PTPRK: variants seen among roughly 807,000 people sequenced by gnomAD.
PTPRK encodes the protein receptor-type tyrosine-protein phosphatase kappa.
In PTPRK, 75 loss-of-function variants were observed where a neutral mutation model predicts 178.0. The observed-to-expected ratio is 0.42, with a 90% CI of 0.35 to 0.51. The LOEUF (loss-of-function observed/expected upper bound fraction) is 0.51, where lower values mean the gene tolerates loss of function less well. Ranked by LOEUF, PTPRK falls within the 20% of genes least tolerant of loss-of-function variation. PTPRK has a pLI of 0.02. For missense variants in PTPRK, 1,441 were observed against 1,797.8 expected (o/e 0.80, Z 3.59); for synonymous variants, 637 against 620.6 (o/e 1.03, Z -0.39).
chr6:128,200,119 C>G (rs1039192516), intron 6 of PTPRK, among the ~76,000 whole-genome samples: 1 of 152,050 alleles, frequency 6.6e-6, no homozygotes, highest in Non-Finnish European at 1.5e-5. Flanking sequence ...CATACATTTC[C>G]CAGAGCATCT....
chr6:128,027,708 C>T (rs1774556051), intron 13 of PTPRK, among the ~76,000 whole-genome samples: 1 of 152,134 alleles, frequency 6.6e-6, no homozygotes, highest in Non-Finnish European at 1.5e-5. Flanking sequence ...AATTCTCCTA[C>T]CTCAGCCACC....
chr6:128,097,142 C>T (rs930373640), intron 7 of PTPRK, among the ~76,000 whole-genome samples: 13 of 152,214 alleles, frequency 8.5e-5, no homozygotes, highest in East Asian at 7.7e-4. Flanking sequence ...AGTACTGTAA[C>T]GTGAGGGAGC....
intron 13 of PTPRK, among the ~76,000 whole-genome samples, chr6:128,025,304 T>C (rs1774118795): frequency 6.6e-6 from 1 of 152,326 alleles, no homozygotes; most frequent in South Asian, 2.1e-4. Flanking sequence ...TTCTCTAACT[T>C]TTGTTATATG....
chr6:128,510,385 C>A (rs1856993251), intron 1 of PTPRK, among the ~76,000 whole-genome samples: 2 of 152,214 alleles, frequency 1.3e-5, no homozygotes, highest in African/African-American at 2.4e-5. Flanking sequence ...ATTCATTATT[C>A]AGTACCCCAA....
intron 3 of PTPRK, among the ~76,000 whole-genome samples, chr6:128,314,250 T>C (rs72967087): frequency 0.091 from 13,790 of 152,186 alleles, 743 homozygotes; most frequent in African/African-American, 0.15. Flanking sequence ...CTTTTTCTCA[T>C]TTATTTATCT....
At chr6:128,009,343 C>T (rs1484319565) in intron 13 of PTPRK, 75 bp from the exon 14 acceptor site, 2 of 1,384,446 alleles carry the variant, frequency 1.4e-6, no homozygotes, top group East Asian at 2.3e-5. Flanking sequence ...CCAGTAATTA[C>T]CTCCAAGAAA....
chr6:128,335,701 G>T (rs937025839), intron 2 of PTPRK, among the ~76,000 whole-genome samples: 5 of 151,932 alleles, frequency 3.3e-5, no homozygotes, highest in African/African-American at 1.2e-4. Context: ...AGCGAATGGT[G>T]CCATCTCCTC....
chr6:128,197,597 C>T (rs906015367), intron 6 of PTPRK, among the ~76,000 whole-genome samples: 2 of 151,706 alleles, frequency 1.3e-5, no homozygotes, highest in African/African-American at 4.8e-5. Flanking sequence ...CTTTATAAAA[C>T]CAATGTCAAT....
At chr6:128,503,974 C>A (rs1021050459) in intron 1 of PTPRK, among the ~76,000 whole-genome samples, 1 of 151,970 alleles carries the variant, frequency 6.6e-6, no homozygotes, top group African/African-American at 2.4e-5. Context: ...ATGGTTCCCG[C>A]CCCAATAAGG....
At chr6:128,492,927 G>A (rs1854042311) in intron 1 of PTPRK, among the ~76,000 whole-genome samples, 1 of 152,174 alleles carries the variant, frequency 6.6e-6, no homozygotes, top group African/African-American at 2.4e-5. Context: ...AAGGGCAGGA[G>A]ACACTGATGT....
chr6:128,124,690 A>AT (rs1476280452), intron 7 of PTPRK, among the ~76,000 whole-genome samples: 3 of 152,030 alleles, frequency 2.0e-5, no homozygotes, highest in African/African-American at 7.3e-5. Flanking sequence ...TTTGTGGATG[A>AT]TATTAACATT....
At chr6:128,405,764 T>A (rs1244324666) in intron 1 of PTPRK, among the ~76,000 whole-genome samples, 1 of 152,084 alleles carries the variant, frequency 6.6e-6, no homozygotes, top group African/African-American at 2.4e-5. Flanking sequence ...TTTTTCTTTT[T>A]TTTTATGAAG....
chr6:128,314,346 C>A (rs1827704500), intron 3 of PTPRK, among the ~76,000 whole-genome samples: 1 of 152,188 alleles, frequency 6.6e-6, no homozygotes, highest in Non-Finnish European at 1.5e-5. Flanking sequence ...ACTGTCCAAC[C>A]CCAGCACCCA....
At chr6:128,093,590 C>A (rs1787367022) in intron 7 of PTPRK, among the ~76,000 whole-genome samples, 1 of 83,082 alleles carries the variant, frequency 1.2e-5, no homozygotes, top group Non-Finnish European at 2.1e-5. Context: ...GCAAGAGACT[C>A]TCTCTCAAAA....
chr6:128,044,565 A>G (rs1777729371), intron 13 of PTPRK, among the ~76,000 whole-genome samples: 1 of 151,958 alleles, frequency 6.6e-6, no homozygotes, highest in African/African-American at 2.4e-5. Flanking sequence ...TTGAATATCT[A>G]AAGTTTGTTC....
chr6:128,131,831 ATGTCT>A (rs1407203674), intron 7 of PTPRK, among the ~76,000 whole-genome samples: 1 of 152,208 alleles, frequency 6.6e-6, no homozygotes, highest in Non-Finnish European at 1.5e-5. Context: ...TGCTGTGATA[ATGTCT>A]TGTAACATAA....
Position 128,474,065 on chromosome 6 carries a change from G to C in PTPRK, c.100+46194C>G, listed in dbSNP as rs1851070494. 5.3e-5 allele frequency among the ~76,000 whole-genome samples: 8 copies of C among 152,130 alleles called. 1 individual carries two copies. In the South Asian group the frequency reaches 1.7e-3, roughly 32 times the overall value. The stretch of plus-strand genomic sequence containing the variant: ...AATAATAAAACAAGGTGTAGGGACT[G>C]ATAACTAAATTATTTGTAAGATCAC... On this transcript the variant is annotated intron_variant, in intron 1 of 29. Transcript: ENST00000368226.
intron 2 of PTPRK, among the ~76,000 whole-genome samples, chr6:128,339,567 A>G (rs1364578868): frequency 1.3e-5 from 2 of 152,186 alleles, no homozygotes; most frequent in Non-Finnish European, 2.9e-5. Flanking sequence ...TACAACACAC[A>G]TATGTATCTG....
chr6:128,192,446 A>G (rs1214433439), intron 6 of PTPRK, among the ~76,000 whole-genome samples: 1 of 152,164 alleles, frequency 6.6e-6, no homozygotes, highest in East Asian at 1.9e-4. Flanking sequence ...AGCGCCTGAC[A>G]AAGTTCAATA....
Sources: gnomAD v4.1 joint callset for allele counts (sites outside exome capture counted in the v4.1 genomes callset) on GRCh38, gnomAD v4.1.1 for gene constraint, MANE v1.5 for transcripts, NCBI Gene and HGNC (gene_info 2026-07-23, HGNC 2026-07-21) for gene names.